The following TCERG1L variants were observed in gnomAD, a reference collection of about 807,000 sequenced individuals.
The protein encoded by TCERG1L is transcription elongation regulator 1-like protein.
TCERG1L carries 37 observed loss-of-function variants against 56.3 expected under a neutral mutation model. The observed-to-expected ratio is 0.66, with a 90% CI of 0.51 to 0.87. TCERG1L has a LOEUF of 0.87. Among genes scored for constraint, TCERG1L ranks in the 40% least tolerant of loss-of-function variants. The pLI, the probability that TCERG1L is intolerant of heterozygous loss-of-function variation, is 0.00. For synonymous variants in TCERG1L, 324 were observed against 326.3 expected (o/e 0.99, Z 0.08); for missense variants, 799 against 774.2 (o/e 1.03, Z -0.38).
chr10:131,124,070 G>T (rs1262955491), intron 8 of TCERG1L, among the ~76,000 whole-genome samples: 4 of 152,146 alleles, frequency 2.6e-5, no homozygotes, highest in Non-Finnish European at 5.9e-5. Context: ...GTCAATCACT[G>T]TGGCGTAGAC....
chr10:131,271,037 C>T (rs1846334845), intron 3 of TCERG1L, among the ~76,000 whole-genome samples: 1 of 152,200 alleles, frequency 6.6e-6, no homozygotes. Flanking sequence ...GGCTGGGCTC[C>T]ACATCGTGAC....
intron 7 of TCERG1L, among the ~76,000 whole-genome samples, chr10:131,138,775 C>T (rs1419839720): frequency 1.3e-5 from 2 of 152,182 alleles, no homozygotes; most frequent in African/African-American, 2.4e-5. Context: ...AGCTCTCCAA[C>T]ATTGTGAACA....
chr10:131,216,696 T>C (rs1370878806), intron 4 of TCERG1L, among the ~76,000 whole-genome samples: 1 of 152,206 alleles, frequency 6.6e-6, no homozygotes, highest in African/African-American at 2.4e-5. Flanking sequence ...CCAGGACAGC[T>C]GGATTTCACT....
chr10:131,209,227 A>C (rs985098955), intron 4 of TCERG1L, among the ~76,000 whole-genome samples: 7 of 152,152 alleles, frequency 4.6e-5, no homozygotes, highest in Non-Finnish European at 1.0e-4. Context: ...AGTATCAGCA[A>C]GTGTTCCCAA....
intron 3 of TCERG1L, among the ~76,000 whole-genome samples, chr10:131,293,103 G>A (rs763300031): frequency 5.3e-5 from 8 of 151,970 alleles, no homozygotes; most frequent in Non-Finnish European, 1.2e-4. Flanking sequence ...TGCTTGCCTC[G>A]GCCTCCCAAA....
chr10:131,245,420 T>A (rs2397757), intron 4 of TCERG1L, among the ~76,000 whole-genome samples: 15,236 of 151,020 alleles, frequency 0.1, 855 homozygotes, highest in Middle Eastern at 0.15. Context: ...ATTTTTTTTT[T>A]AAAAAAACTG....
intron 6 of TCERG1L, among the ~76,000 whole-genome samples, chr10:131,158,178 G>A (rs1845943277): frequency 6.6e-6 from 1 of 152,346 alleles, no homozygotes; most frequent in East Asian, 1.9e-4. Context: ...GCTCTAGCAG[G>A]GAGTACCAGC....
At chr10:131,136,095 C>T (rs925080190) in intron 7 of TCERG1L, among the ~76,000 whole-genome samples, 1 of 152,242 alleles carries the variant, frequency 6.6e-6, no homozygotes, top group African/African-American at 2.4e-5. Context: ...CAAATGTCCA[C>T]AGGGGTAAAT....
rs796605498 is a variant in TCERG1L, at chr10:131,179,726, A to C, written c.857-12841T>G. Among the ~76,000 whole-genome samples the C allele has an allele frequency of 5.3e-5, 8 of 152,228 alleles. 2 individuals are homozygous for C. Among genetic ancestry groups the C allele is most frequent in the African/African-American group, 1.9e-4 (8 of 41,552 alleles). On this transcript the variant is annotated intron_variant, in intron 4 of 11. Coordinates refer to ENST00000368642, the MANE Select transcript of TCERG1L (RefSeq NM_174937.4). ...TCCAGAGCCAAGAAGTGGAGCTTTA[A>C]ACTTAAACTACACTTCACCATGACA...
intron 3 of TCERG1L, among the ~76,000 whole-genome samples, chr10:131,298,401 C>T (rs554194067): frequency 2.2e-4 from 33 of 152,054 alleles, no homozygotes; most frequent in Admixed American, 7.2e-4. Flanking sequence ...TTGTTGTGGT[C>T]GGAAAATAAA....
At chr10:131,149,255 T>C (rs1036637486) in intron 6 of TCERG1L, among the ~76,000 whole-genome samples, 2 of 147,612 alleles carry the variant, frequency 1.4e-5, no homozygotes, top group African/African-American at 4.9e-5. Flanking sequence ...GCCCGTGGGG[T>C]GCTGCCCAGG....
chr10:131,278,611 G>A (rs1357365052), intron 3 of TCERG1L, among the ~76,000 whole-genome samples: 2 of 152,120 alleles, frequency 1.3e-5, no homozygotes, highest in African/African-American at 2.4e-5. Context: ...CCAAAGTGCT[G>A]GGATTACAGG....
At chr10:131,127,407 G>A (rs1026113988) in intron 8 of TCERG1L, among the ~76,000 whole-genome samples, 2 of 152,230 alleles carry the variant, frequency 1.3e-5, no homozygotes, top group African/African-American at 4.8e-5. Flanking sequence ...CAGCCCCCGG[G>A]CCTCTGCGGC....
At chr10:131,100,401 A>C (rs1321116082) in intron 10 of TCERG1L, among the ~76,000 whole-genome samples, 8 of 152,218 alleles carry the variant, frequency 5.3e-5, no homozygotes, top group Non-Finnish European at 1.0e-4. Context: ...CCATTTCTCC[A>C]TCTCATCAAA....
At chr10:131,152,887 T>C (rs1242110047) in intron 6 of TCERG1L, among the ~76,000 whole-genome samples, 1 of 152,142 alleles carries the variant, frequency 6.6e-6, no homozygotes, top group Non-Finnish European at 1.5e-5. Context: ...CAGACGCTTA[T>C]AGAACCATCA....
intron 5 of TCERG1L, chr10:131,163,857 T>C (rs2918151): frequency 0.66 from 100,986 of 152,268 alleles, 34,071 homozygotes; most frequent in African/African-American, 0.75. Flanking sequence ...ATGCCAGGCA[T>C]GGTGGCTCAC....
chr10:131,163,122 CA>C lies in TCERG1L; in HGVS notation c.1033del (p.Trp345GlyfsTer29), dbSNP rs1564805101. ...VASTPVPGSP[W>X]CVVWTGDDRV... Reference sequence around the variant, plus strand: ...GCTCTCAGGCTTTGGGGTGTCTTACCAGGGGGATCCGGGCACCGGGGTGGAG... The same window carrying C: ...GCTCTCAGGCTTTGGGGTGTCTTACCGGGGGATCCGGGCACCGGGGTGGAG... On this transcript the variant is annotated frameshift_variant and splice_region_variant, in exon 6 of 12. Transcript: ENST00000368642. LOFTEE classifies it high-confidence loss of function. The C allele has an allele frequency of 1.3e-6, 2 of 1,570,260 alleles. No individual in the cohort carries two copies. The highest frequency in any genetic ancestry group is 8.6e-7 in the Non-Finnish European group (1 of 1,158,608).
chr10:131,200,273 G>A (rs61861200), intron 4 of TCERG1L, among the ~76,000 whole-genome samples: 16,943 of 152,250 alleles, frequency 0.11, 1,080 homozygotes, highest in Middle Eastern at 0.19. Context: ...AGCTGAGGCT[G>A]GGTATTTTAT....
chr10:131,180,150 T>C (rs569062199), intron 4 of TCERG1L, among the ~76,000 whole-genome samples: 3 of 152,068 alleles, frequency 2.0e-5, no homozygotes, highest in African/African-American at 2.4e-5. Flanking sequence ...GATGGTGACA[T>C]TGAAGTGAGA....
Sources: allele counts gnomAD v4.1 joint callset (sites outside exome capture counted in the v4.1 genomes callset), GRCh38; gene constraint gnomAD v4.1.1; transcripts MANE v1.5; gene names NCBI Gene and HGNC (gene_info 2026-07-23, HGNC 2026-07-21).